The following MLF1 variants were observed in gnomAD, a reference collection of about 807,000 sequenced individuals.
MLF1 encodes myelodysplasia-myeloid leukemia factor 1.
Under a neutral mutation model 38.3 loss-of-function variants are expected in MLF1, and 37 were observed. The ratio of observed to expected loss-of-function variants is 0.96; its 90% CI spans 0.74 to 1.27. The LOEUF (loss-of-function observed/expected upper bound fraction) is 1.27, where lower values mean the gene tolerates loss of function less well. Ranked by LOEUF, MLF1 falls within the 50% of genes most tolerant of loss-of-function variation. The pLI is 0.00. For missense variants in MLF1, 331 were observed against 349.2 expected (o/e 0.95, Z 0.42); for synonymous variants, 95 against 106.5 (o/e 0.89, Z 0.66).
At chr3:158,598,001 G>C in intron 4 of MLF1, 79 bp from the exon 5 acceptor site, 1 of 1,419,324 alleles carries the variant, frequency 7.0e-7, no homozygotes, top group East Asian at 2.3e-5. Flanking sequence ...CTTACAGCTA[G>C]TGTTGTTACT....
intron 5 of MLF1, among the ~76,000 whole-genome samples, chr3:158,598,824 C>G (rs1242076837): frequency 6.6e-6 from 1 of 152,106 alleles, no homozygotes; most frequent in Non-Finnish European, 1.5e-5. Flanking sequence ...TGGAGTTTAT[C>G]ATTTTCACGC....
At chr3:158,582,396 C>T (rs942649329) in intron 1 of MLF1, among the ~76,000 whole-genome samples, 2 of 151,328 alleles carry the variant, frequency 1.3e-5, no homozygotes, top group Non-Finnish European at 2.9e-5. Context: ...AATAGGAGTA[C>T]CATAGTACAA....
At chr3:158,581,985 G>C (rs1716438579) in intron 1 of MLF1, among the ~76,000 whole-genome samples, 2 of 152,290 alleles carry the variant, frequency 1.3e-5, no homozygotes, top group East Asian at 1.9e-4. Context: ...TTCAAGACCA[G>C]CCTGGTCAAC....
chr3:158,594,023 C>T (rs1434332744), intron 3 of MLF1, among the ~76,000 whole-genome samples: 1 of 151,892 alleles, frequency 6.6e-6, no homozygotes, highest in Non-Finnish European at 1.5e-5. Context: ...TTTGTATCTA[C>T]AGTCTCATGA....
At position 158,596,932 on chromosome 3, in the gene MLF1, T is replaced by A. The variant is rs148038875; in HGVS notation, c.311T>A (p.Leu104Ter). The A allele has an allele frequency of 3.7e-5, 59 of 1,603,662 alleles. No homozygotes were observed. Among genetic ancestry groups the A allele is most frequent in the Non-Finnish European group, 4.9e-5 (57 of 1,172,686 alleles). Residue 104 changes from leucine to a stop codon, truncating the protein, a stop_gained, in exon 4 of 8, where the codon TTA (leucine) becomes TAA (stop). Coordinates refer to ENST00000466246, the MANE Select transcript of MLF1 (RefSeq NM_001369783.1). LOFTEE classifies it high-confidence loss of function. ...AATATGAGAAACTATATGCAGAAAT[T>A]AGAAAGAAACTTCGTAAGTACTAAA... The part of the protein sequence containing the change: ...VSNMRNYMQK[L>*]ERNFGQLSVD...
intron 3 of MLF1, among the ~76,000 whole-genome samples, chr3:158,595,033 G>T (rs1049335467): frequency 1.1e-4 from 16 of 152,112 alleles, no homozygotes; most frequent in African/African-American, 3.9e-4. Context: ...TATTATATAT[G>T]TATTGGGGAT....
intron 1 of MLF1, among the ~76,000 whole-genome samples, chr3:158,574,518 A>ACAAAC (rs1576637253): frequency 6.9e-6 from 1 of 144,876 alleles, no homozygotes; most frequent in Admixed American, 6.8e-5. Flanking sequence ...AAAAAAAAAA[A>ACAAAC]AAAAAAAAAT....
chr3:158,585,770 CAGAT>C (rs1384367841), intron 1 of MLF1, among the ~76,000 whole-genome samples: 1 of 152,036 alleles, frequency 6.6e-6, no homozygotes, highest in East Asian at 1.9e-4. Context: ...AGAAGGCAAA[CAGAT>C]AGAAATAAGG....
At chr3:158,601,806 C>T (rs143591393) in intron 6 of MLF1, among the ~76,000 whole-genome samples, 83 of 95,974 alleles carry the variant, frequency 8.6e-4, no homozygotes, top group South Asian at 2.9e-3. Context: ...TAAAATTATT[C>T]TTTTTTTTTT....
intron 6 of MLF1, 47 bp from the exon 7 acceptor site, chr3:158,602,760 A>G (rs746041226): frequency 2.5e-6 from 4 of 1,586,576 alleles, no homozygotes; most frequent in Non-Finnish European, 2.6e-6. Flanking sequence ...AGTTACTGAC[A>G]GTTGATACCT....
intron 1 of MLF1, chr3:158,590,929 A>C (rs1009314696): frequency 2.5e-6 from 1 of 407,098 alleles, no homozygotes; most frequent in African/African-American, 2.1e-5. Context: ...GCACAAATCC[A>C]GTTAAGCAGT....
rs1012866943 is a variant in MLF1, at chr3:158,587,857, C to T, written c.48-4577C>T. ...CTACTAAAAATAGAAAAAAATTAGC[C>T]GGGCCTGGCGGCGTGCGCCTGTAGT... On this transcript the variant is annotated intron_variant, in intron 1 of 7. Coordinates refer to ENST00000466246, the MANE Select transcript of MLF1 (RefSeq NM_001369783.1). 6.5e-4 allele frequency among the ~76,000 whole-genome samples: 99 copies of T among 152,134 alleles called. 2 individuals are homozygous for T. The highest frequency in any genetic ancestry group is 1.0e-3 in the Admixed American group (16 of 15,270).
rs149579452 is a variant in MLF1 at position 158,589,253 on chromosome 3, C to T, written c.48-3181C>T. The stretch of plus-strand genomic sequence containing the variant: ...TTGAGACGGAGTCTCACCCTATTGC[C>T]TAGGCTGGAGTGCAATGGCATGATC... On this transcript the variant is annotated intron_variant, in intron 1 of 7. Coordinates refer to ENST00000466246, the MANE Select transcript of MLF1 (RefSeq NM_001369783.1). Among the ~76,000 whole-genome samples, 1,142 of 151,874 alleles carry T rather than the reference C, an allele frequency of 7.5e-3. 20 individuals are homozygous for T. Among genetic ancestry groups the T allele is most frequent in the African/African-American group, 0.027 (1,103 of 41,424 alleles).
At chr3:158,590,284 T>C (rs1717927036) in intron 1 of MLF1, among the ~76,000 whole-genome samples, 1 of 152,204 alleles carries the variant, frequency 6.6e-6, no homozygotes, top group Non-Finnish European at 1.5e-5. Context: ...TGAGATGTTA[T>C]GACCCTACCA....
chr3:158,587,084 T>C (rs1026275623), intron 1 of MLF1, among the ~76,000 whole-genome samples: 1 of 152,236 alleles, frequency 6.6e-6, no homozygotes, highest in African/African-American at 2.4e-5. Context: ...GATAATATTG[T>C]TGAATAGACT....
intron 1 of MLF1, among the ~76,000 whole-genome samples, chr3:158,584,691 GTGTGTGTGTA>G (rs1408526955): frequency 2.6e-5 from 4 of 151,180 alleles, no homozygotes; most frequent in African/African-American, 9.8e-5. Flanking sequence ...GTGTGTGTGT[GTGTGTGTGTA>G]TACTTTTTTA....
intron 7 of MLF1, 51 bp from the exon 8 acceptor site, chr3:158,605,046 A>T (rs770738459): frequency 1.5e-6 from 2 of 1,312,448 alleles, no homozygotes; most frequent in Non-Finnish European, 1.1e-6. Flanking sequence ...TGATTTATAA[A>T]CCATTGGCCA....
intron 1 of MLF1, among the ~76,000 whole-genome samples, chr3:158,573,819 G>C (rs1201716788): frequency 6.6e-6 from 1 of 152,068 alleles, no homozygotes; most frequent in Non-Finnish European, 1.5e-5. Flanking sequence ...GTGTTTGTTT[G>C]TTTGAGACAG....
At chr3:158,593,123 A>G (rs1423603756) in intron 2 of MLF1, among the ~76,000 whole-genome samples, 1 of 147,044 alleles carries the variant, frequency 6.8e-6, no homozygotes, top group East Asian at 1.9e-4. Context: ...GGTTACAAAC[A>G]TACTCAACTA....
Sources: allele counts gnomAD v4.1 joint callset (sites outside exome capture counted in the v4.1 genomes callset), GRCh38; gene constraint gnomAD v4.1.1; transcripts MANE v1.5; gene names NCBI Gene and HGNC (gene_info 2026-07-23, HGNC 2026-07-21).